PSD3: variants seen among roughly 807,000 people sequenced by gnomAD.
The protein encoded by PSD3 is pleckstrin and Sec7 domain containing 3.
In PSD3, 49 loss-of-function variants were observed where a neutral mutation model predicts 105.5. The observed-to-expected ratio is 0.46, with a 90% CI of 0.37 to 0.59. The LOEUF (loss-of-function observed/expected upper bound fraction) is 0.59, where lower values mean the gene tolerates loss of function less well. Among genes scored for constraint, PSD3 ranks in the 20% least tolerant of loss-of-function variants. The probability of loss-of-function intolerance (pLI) is 0.00; values close to 1 mark genes in which losing one functional copy is unlikely to be tolerated. For missense variants in PSD3, 1,561 were observed against 1,263.8 expected, an observed-to-expected ratio of 1.24 and a Z score of -3.57; for synonymous variants, 557 against 457.8, an observed-to-expected ratio of 1.22 and a Z score of -2.77.
chr8:18,960,692 G>A (rs988876432), intron 1 of PSD3, among the ~76,000 whole-genome samples: 2 of 152,198 alleles, frequency 1.3e-5, no homozygotes, highest in South Asian at 2.1e-4. Flanking sequence ...TAACTGAAAA[G>A]AATAACGAAG....
chr8:18,589,286 C>G (rs1407405897), intron 12 of PSD3, among the ~76,000 whole-genome samples: 1 of 152,154 alleles, frequency 6.6e-6, no homozygotes, highest in Non-Finnish European at 1.5e-5. Flanking sequence ...GGATAATCTC[C>G]AAGTATCAAC....
At chr8:19,066,013 G>C (rs1043513809) in intron 1 of PSD3, among the ~76,000 whole-genome samples, 1 of 152,152 alleles carries the variant, frequency 6.6e-6, no homozygotes, top group African/African-American at 2.4e-5. Context: ...TGGGAAATGG[G>C]TTTGAATACC....
chr8:18,910,620 T>C (rs1586396743), intron 2 of PSD3, among the ~76,000 whole-genome samples: 1 of 90,254 alleles, frequency 1.1e-5, no homozygotes, highest in Non-Finnish European at 2.0e-5. Context: ...ACATGTACCC[T>C]AAAACTTAGA....
chr8:18,923,747 T>C (rs1586436967), intron 2 of PSD3, among the ~76,000 whole-genome samples: 1 of 152,190 alleles, frequency 6.6e-6, no homozygotes, highest in Non-Finnish European at 1.5e-5. Context: ...TCTCAGAATG[T>C]GTCCCTTTCT....
At chr8:18,785,256 C>G (rs892239280) in intron 8 of PSD3, among the ~76,000 whole-genome samples, 3 of 152,144 alleles carry the variant, frequency 2.0e-5, no homozygotes, top group Non-Finnish European at 4.4e-5. Flanking sequence ...ATAAAATGTT[C>G]TTCCTTGTTT....
chr8:18,780,123 T>C (rs1172828678), intron 8 of PSD3, among the ~76,000 whole-genome samples: 1 of 152,188 alleles, frequency 6.6e-6, no homozygotes, highest in Non-Finnish European at 1.5e-5. Flanking sequence ...CGCACAAATA[T>C]TTAGAATTGT....
chr8:18,702,428 C>T (rs1193061373), intron 9 of PSD3, among the ~76,000 whole-genome samples: 1 of 152,052 alleles, frequency 6.6e-6, no homozygotes, highest in Non-Finnish European at 1.5e-5. Context: ...ACTGTTTTCC[C>T]CTTTTTGTAT....
intron 10 of PSD3, among the ~76,000 whole-genome samples, chr8:18,655,029 A>C (rs1320466864): frequency 6.6e-6 from 1 of 152,182 alleles, no homozygotes; most frequent in Non-Finnish European, 1.5e-5. Flanking sequence ...TACTTTTTAA[A>C]AGATAAATTT....
At chr8:18,693,321 G>C (rs1390720325) in intron 9 of PSD3, among the ~76,000 whole-genome samples, 3 of 152,130 alleles carry the variant, frequency 2.0e-5, no homozygotes, top group Non-Finnish European at 4.4e-5. Flanking sequence ...GTTTCTACCA[G>C]GTCAACAGCA....
In PSD3 at chr8:18,842,487, A is replaced by T. The variant is rs13439514; in HGVS notation, c.1634+25187T>A. ...GGTGGCTCACGCCTGTAATCCCAGC[A>T]CTCGGGGAGTCCGAGGCGGGCGGAT... On this transcript the variant is annotated intron_variant, in intron 4 of 15. Transcript: ENST00000327040. Among the ~76,000 whole-genome samples, 646 of 152,242 alleles carry T rather than the reference A, an allele frequency of 4.2e-3. 2 individuals are homozygous for T. The highest frequency in any genetic ancestry group is 0.015 in the African/African-American group (621 of 41,550).
intron 4 of PSD3, among the ~76,000 whole-genome samples, chr8:18,853,561 G>T (rs1470434707): frequency 2.0e-5 from 3 of 152,010 alleles, no homozygotes; most frequent in African/African-American, 7.3e-5. Context: ...AACTCCCTAT[G>T]CCCTTTTCAT....
chr8:18,585,658 A>G (rs757975531), intron 12 of PSD3, among the ~76,000 whole-genome samples: 3 of 152,152 alleles, frequency 2.0e-5, no homozygotes, highest in Admixed American at 6.5e-5. Flanking sequence ...CTAATAATCA[A>G]GAAAGGACTA....
At chr8:18,799,898 T>G (rs989553238) in intron 7 of PSD3, among the ~76,000 whole-genome samples, 1 of 152,192 alleles carries the variant, frequency 6.6e-6, no homozygotes, top group African/African-American at 2.4e-5. Context: ...TCAGATGCAG[T>G]AAAAATCTTT....
At chr8:19,036,201 C>T (rs1172911265) in intron 1 of PSD3, among the ~76,000 whole-genome samples, 1 of 152,164 alleles carries the variant, frequency 6.6e-6, no homozygotes, top group Non-Finnish European at 1.5e-5. Context: ...GAACTATTTT[C>T]AGAATGGCTC....
chr8:18,556,067 T>A, intron 15 of PSD3, 142 bp downstream of exon 15: 1 of 925,268 alleles, frequency 1.1e-6, no homozygotes, highest in Non-Finnish European at 1.6e-6. Flanking sequence ...GGGGCCACCA[T>A]GACCTTGCCA....
intron 12 of PSD3, among the ~76,000 whole-genome samples, chr8:18,588,408 A>G (rs951247035): frequency 3.9e-5 from 6 of 152,184 alleles, no homozygotes; most frequent in African/African-American, 1.2e-4. Flanking sequence ...ATTTTTTAAA[A>G]AAGAGCATTA....
intron 1 of PSD3, among the ~76,000 whole-genome samples, chr8:18,961,729 T>G (rs1217111014): frequency 6.6e-6 from 1 of 152,120 alleles, no homozygotes; most frequent in African/African-American, 2.4e-5. Flanking sequence ...GATATAAATA[T>G]TCCTCTAAAG....
chr8:18,645,636 T>G (rs558401105), intron 10 of PSD3, among the ~76,000 whole-genome samples: 3 of 152,264 alleles, frequency 2.0e-5, no homozygotes, highest in South Asian at 4.1e-4. Context: ...TTACCAAGAG[T>G]CCAGCGTGAC....
At chr8:18,717,948 G>T (rs1015944079) in intron 9 of PSD3, among the ~76,000 whole-genome samples, 1 of 152,182 alleles carries the variant, frequency 6.6e-6, no homozygotes, top group Non-Finnish European at 1.5e-5. Flanking sequence ...CTGGCTCAGT[G>T]GGACTGGTGA....
Sources: allele counts gnomAD v4.1 joint callset (sites outside exome capture counted in the v4.1 genomes callset), GRCh38; gene constraint gnomAD v4.1.1; transcripts MANE v1.5; gene names NCBI Gene and HGNC (gene_info 2026-07-23, HGNC 2026-07-21).